MTUS1: variants seen among roughly 807,000 people sequenced by gnomAD.
The protein encoded by MTUS1 is microtubule associated scaffold protein 1.
Under a neutral mutation model 120.8 loss-of-function variants are expected in MTUS1, and 109 were observed. The observed-to-expected ratio is 0.90, with a 90% CI of 0.77 to 1.06. MTUS1 has a LOEUF of 1.06. Among genes scored for constraint, MTUS1 ranks in the 50% least tolerant of loss-of-function variants. The pLI, the probability that MTUS1 is intolerant of heterozygous loss-of-function variation, is 0.00. For missense variants in MTUS1, 2,210 were observed against 1,486.3 expected, an observed-to-expected ratio of 1.49 and a Z score of -8.01; for synonymous variants, 737 against 550.5, an observed-to-expected ratio of 1.34 and a Z score of -4.74.
At chr8:17,725,646 G>A (rs1325703308) in intron 3 of MTUS1, among the ~76,000 whole-genome samples, 1 of 152,064 alleles carries the variant, frequency 6.6e-6, no homozygotes, top group East Asian at 1.9e-4. Flanking sequence ...TCTCCTAAAT[G>A]TGAAAATTAA....
intron 1 of MTUS1, among the ~76,000 whole-genome samples, chr8:17,777,473 C>T (rs2050544158): frequency 6.6e-6 from 1 of 150,904 alleles, no homozygotes; most frequent in African/African-American, 2.4e-5. Context: ...AAAAAGATGT[C>T]AGGCACAGTG....
intron 4 of MTUS1, chr8:17,723,127 G>A (rs1308446404): frequency 1.9e-5 from 3 of 162,142 alleles, no homozygotes; most frequent in African/African-American, 4.8e-5. Flanking sequence ...AAAAGGAAAT[G>A]AGAAAATAAG....
intron 8 of MTUS1, among the ~76,000 whole-genome samples, chr8:17,671,878 T>G (rs545652530): frequency 1.3e-5 from 2 of 152,260 alleles, no homozygotes; most frequent in East Asian, 3.9e-4. Flanking sequence ...TTTTCTTGAG[T>G]TGCTGTGATG....
At chr8:17,670,053 T>C (rs775170356) in intron 8 of MTUS1, among the ~76,000 whole-genome samples, 3 of 152,144 alleles carry the variant, frequency 2.0e-5, no homozygotes, top group Non-Finnish European at 4.4e-5. Flanking sequence ...AAGTGGCATT[T>C]AGGACACAGA....
intron 5 of MTUS1, among the ~76,000 whole-genome samples, 194 bp from the exon 6 acceptor site, chr8:17,713,446 T>C (rs1203452570): frequency 6.6e-6 from 1 of 151,958 alleles, no homozygotes; most frequent in Non-Finnish European, 1.5e-5. Context: ...TCACATAACA[T>C]CAAAATGTTT....
At chr8:17,700,167 A>C (rs184361111) in intron 6 of MTUS1, among the ~76,000 whole-genome samples, 1 of 152,150 alleles carries the variant, frequency 6.6e-6, no homozygotes, top group Admixed American at 6.5e-5. Flanking sequence ...AAAGTTAGCT[A>C]TGAGTCTTTA....
intron 10 of MTUS1, 49 bp from the exon 11 acceptor site, chr8:17,653,547 A>T (rs1807520969): frequency 7.5e-7 from 1 of 1,335,390 alleles, no homozygotes; most frequent in African/African-American, 1.5e-5. Flanking sequence ...CTATGAGATC[A>T]ATGTACTCTA....
intron 6 of MTUS1, among the ~76,000 whole-genome samples, chr8:17,709,514 C>T (rs1232058323): frequency 6.6e-6 from 1 of 152,108 alleles, no homozygotes; most frequent in African/African-American, 2.4e-5. Context: ...ATCCTTAACA[C>T]CTGACACTCA....
rs193189767 is a variant in MTUS1, at chr8:17,702,445, G to A, written c.2623+10769C>T. Among the ~76,000 whole-genome samples, 570 of 152,076 alleles carry A rather than the reference G, an allele frequency of 3.7e-3. 4 individuals are homozygous for A. The highest frequency in any genetic ancestry group is 0.013 in the African/African-American group (538 of 41,468). On this transcript the variant is annotated intron_variant, in intron 6 of 14. Coordinates refer to ENST00000693296, the MANE Select transcript of MTUS1 (RefSeq NM_001363059.2). ...CTACCTTCTCAACAAAATTTTAAAAGAACAATATAATATTGTTAACTGTAG... is the reference window on the plus strand; with the variant it reads ...CTACCTTCTCAACAAAATTTTAAAAAAACAATATAATATTGTTAACTGTAG...
chr8:17,756,596 C>A (rs912130697), intron 1 of MTUS1, among the ~76,000 whole-genome samples: 4 of 151,648 alleles, frequency 2.6e-5, no homozygotes, highest in Non-Finnish European at 5.9e-5. Context: ...GTTGGAAGTC[C>A]CTTGAAATGT....
chr8:17,801,181 C>T (rs546732833), upstream of MTUS1, among the ~76,000 whole-genome samples: 173 of 151,814 alleles, frequency 1.1e-3, no homozygotes, highest in Non-Finnish European at 2.0e-3. Flanking sequence ...GGCGTCTGCA[C>T]CTGGGGGCGC....
At chr8:17,664,267 G>T (rs998333392) in intron 8 of MTUS1, among the ~76,000 whole-genome samples, 1 of 152,122 alleles carries the variant, frequency 6.6e-6, no homozygotes, top group African/African-American at 2.4e-5. Context: ...ATTTGGAGGA[G>T]ATTTTATGTA....
intron 6 of MTUS1, among the ~76,000 whole-genome samples, chr8:17,700,223 T>G (rs902248017): frequency 4.6e-5 from 7 of 151,858 alleles, no homozygotes; most frequent in Non-Finnish European, 7.4e-5. Flanking sequence ...ATCTCAGCAC[T>G]TTGGGAGGCC....
Position 17,780,590 on chromosome 8 carries a change from A to G in MTUS1, c.-155+20471T>C, listed in dbSNP as rs116174893. 4.9e-3 allele frequency among the ~76,000 whole-genome samples: 748 copies of G among 152,112 alleles called. 9 individuals are homozygous for G. Among genetic ancestry groups the G allele is most frequent in the African/African-American group, 0.017 (719 of 41,480 alleles). ...CTCTTTCCCTCTCTCCCCAGTAGCAACTCCGACAGGCACTGCCTTCAAAAT... is the reference window on the plus strand; with the variant it reads ...CTCTTTCCCTCTCTCCCCAGTAGCAGCTCCGACAGGCACTGCCTTCAAAAT... On this transcript the variant is annotated intron_variant, in intron 1 of 14. Transcript: ENST00000693296.
intron 6 of MTUS1, among the ~76,000 whole-genome samples, chr8:17,686,573 G>C (rs1815852569): frequency 6.6e-6 from 1 of 152,070 alleles, no homozygotes; most frequent in African/African-American, 2.4e-5. Flanking sequence ...CATTTCCTGA[G>C]TCCTGAGTAA....
chr8:17,755,656 G>A lies in MTUS1; in HGVS notation c.152C>T (p.Pro51Leu), dbSNP rs746415721. Residue 51 changes from proline (P) to leucine (L), a missense_variant, in exon 2 of 15, where the codon CCA becomes CTA. Physicochemically the swap from Pro to Leu is moderately conservative, Grantham distance 98 (BLOSUM62 -3). Transcript: ENST00000693296. The stretch of plus-strand genomic sequence containing the variant: ...TTCATAATCAACCACCATGTCATCT[G>A]GGTTGGCAGAATTCCAGTTCACACT... ...ASSVNWNSANPDDMVVDYETD... is the reference protein window; with the variant it reads ...ASSVNWNSANLDDMVVDYETD... 22 of 1,614,160 alleles carry A rather than the reference G, an allele frequency of 1.4e-5. No homozygotes were observed. The highest frequency in any genetic ancestry group is 1.0e-4 in the Admixed American group (6 of 60,030).
intron 6 of MTUS1, chr8:17,693,470 A>G (rs971380655): frequency 1.3e-5 from 2 of 152,220 alleles, no homozygotes; most frequent in African/African-American, 4.8e-5. Flanking sequence ...GCGTGGGATC[A>G]ATGAGAAAGC....
intron 9 of MTUS1, 50 bp from the exon 10 acceptor site, chr8:17,654,716 A>G: frequency 7.5e-7 from 1 of 1,341,190 alleles, no homozygotes; most frequent in Non-Finnish European, 1.1e-6. Flanking sequence ...CAAATGTCCT[A>G]AGTTGAATAC....
chr8:17,649,942 A>T lies in MTUS1; in HGVS notation c.3405T>A (p.Tyr1135Ter). The T allele has an allele frequency of 6.2e-7, 1 of 1,605,186 alleles. No homozygotes were observed. Among genetic ancestry groups the T allele is most frequent in the East Asian group, 2.2e-5 (1 of 44,752 alleles). The change falls in exon 13 of 15, where the codon TAT becomes TAA. Residue 1135 changes from tyrosine to a stop codon, truncating the protein, a stop_gained. Transcript: ENST00000693296. LOFTEE classifies it high-confidence loss of function. The stretch of plus-strand genomic sequence containing the variant: ...TCAGGCTTTCTAACTCCTGTTCTAG[A>T]TACATGATCTGAGGATTTTTCTGGA... Reference protein sequence around the residue: ...KANLKNPQIMYLEQELESLKA... With the variant: ...KANLKNPQIM
Sources: allele counts gnomAD v4.1 joint callset (sites outside exome capture counted in the v4.1 genomes callset), GRCh38; gene constraint gnomAD v4.1.1; transcripts MANE v1.5; gene names NCBI Gene and HGNC (gene_info 2026-07-23, HGNC 2026-07-21).